The following CSMD1 variants were observed in gnomAD, a reference collection of about 807,000 sequenced individuals.
CSMD1 encodes the protein CUB and Sushi multiple domains 1.
A neutral mutation model predicts 417.5 loss-of-function variants in CSMD1; 213 were observed. The observed-to-expected ratio is 0.51, with a 90% CI of 0.46 to 0.57. The LOEUF (loss-of-function observed/expected upper bound fraction) is 0.57. CSMD1 is among the 20% of genes least tolerant of loss of function. CSMD1 has a pLI of 0.00. For synonymous variants in CSMD1, 2,862 were observed against 1,736.8 expected, an observed-to-expected ratio of 1.65 and a Z score of -16.11; for missense variants, 6,923 against 4,529.7, an observed-to-expected ratio of 1.53 and a Z score of -15.17.
intron 26 of CSMD1, among the ~76,000 whole-genome samples, chr8:3,235,957 G>A (rs1322082032): frequency 8.3e-6 from 1 of 119,970 alleles, no homozygotes; most frequent in Non-Finnish European, 1.6e-5. Flanking sequence ...TTGATCTGTC[G>A]CCCAGGCTGG....
At chr8:3,891,327 G>C (rs1209211864) in intron 5 of CSMD1, among the ~76,000 whole-genome samples, 1 of 152,158 alleles carries the variant, frequency 6.6e-6, no homozygotes, top group Non-Finnish European at 1.5e-5. Flanking sequence ...TGGGATTACA[G>C]GCGTGAGCCA....
At chr8:4,372,845 G>A (rs543932622) in intron 3 of CSMD1, among the ~76,000 whole-genome samples, 145 of 152,242 alleles carry the variant, frequency 9.5e-4, no homozygotes, top group African/African-American at 3.5e-3. Context: ...AATTTCCAGT[G>A]CAGAAGACTA....
At chr8:3,492,863 C>T (rs996845857) in intron 11 of CSMD1, among the ~76,000 whole-genome samples, 1 of 151,840 alleles carries the variant, frequency 6.6e-6, no homozygotes, top group Non-Finnish European at 1.5e-5. Flanking sequence ...CTTTATTACG[C>T]AGTTTTACAG....
chr8:4,108,571 G>C (rs1228009908), intron 3 of CSMD1, among the ~76,000 whole-genome samples: 1 of 152,138 alleles, frequency 6.6e-6, no homozygotes, highest in Non-Finnish European at 1.5e-5. Context: ...CCACTGATAT[G>C]CCATCCCTTT....
At chr8:3,737,831 A>G in intron 6 of CSMD1, among the ~76,000 whole-genome samples, 1 of 152,238 alleles carries the variant, frequency 6.6e-6, no homozygotes, top group East Asian at 1.9e-4. Flanking sequence ...ATTTAAAACT[A>G]CCAAAACATA....
chr8:3,408,628 T>C lies in CSMD1; in HGVS notation c.1745-403A>G, dbSNP rs528335052. On this transcript the variant is annotated intron_variant, in intron 13 of 69. Coordinates refer to ENST00000635120, the MANE Select transcript of CSMD1 (RefSeq NM_033225.6). ...CTCTTTCATAACTTTTAAATTTATA[T>C]TTTATACTTTCCTGTGAGTGCATTT... 5.9e-5 allele frequency among the ~76,000 whole-genome samples: 9 copies of C among 152,264 alleles called. No homozygotes were observed. The South Asian group carries it at 1.9e-3, about 32-fold the overall frequency.
At chr8:3,063,811 A>T (rs1299099893) in intron 49 of CSMD1, among the ~76,000 whole-genome samples, 1 of 152,182 alleles carries the variant, frequency 6.6e-6, no homozygotes, top group Non-Finnish European at 1.5e-5. Flanking sequence ...GATGGCTTGT[A>T]GGGGCTGGAG....
intron 8 of CSMD1, among the ~76,000 whole-genome samples, chr8:3,601,681 A>G (rs1756832178): frequency 6.6e-6 from 1 of 152,216 alleles, no homozygotes; most frequent in South Asian, 2.1e-4. Context: ...AATCATTGGT[A>G]ATATGCAGAA....
At chr8:4,980,917 T>G (rs1810854648) in intron 1 of CSMD1, among the ~76,000 whole-genome samples, 1 of 151,376 alleles carries the variant, frequency 6.6e-6, no homozygotes, top group African/African-American at 2.4e-5. Context: ...AAAAAAAAAC[T>G]TATTATCTAT....
At chr8:3,631,034 G>C (rs75692705) in intron 7 of CSMD1, among the ~76,000 whole-genome samples, 3,966 of 152,228 alleles carry the variant, frequency 0.026, 158 homozygotes, top group African/African-American at 0.091. Flanking sequence ...ACGCAATCAT[G>C]CTTCTTTGCT....
intron 26 of CSMD1, among the ~76,000 whole-genome samples, chr8:3,241,362 G>A (rs967221225): frequency 2.6e-5 from 4 of 151,892 alleles, no homozygotes; most frequent in East Asian, 1.9e-4. Flanking sequence ...ATGTGGAGTG[G>A]GTAGCCTCCA....
intron 3 of CSMD1, among the ~76,000 whole-genome samples, chr8:4,085,665 G>A (rs1399592228): frequency 6.6e-6 from 1 of 152,180 alleles, no homozygotes; most frequent in Non-Finnish European, 1.5e-5. Flanking sequence ...TTTGCATACT[G>A]TGTGATTCCA....
chr8:3,430,794 G>A (rs1393847), intron 12 of CSMD1, among the ~76,000 whole-genome samples: 14,259 of 152,122 alleles, frequency 0.094, 737 homozygotes, highest in Middle Eastern at 0.19. Context: ...GTAACAGAAC[G>A]AGACTCCATT....
intron 3 of CSMD1, among the ~76,000 whole-genome samples, chr8:4,257,608 G>A (rs57412256): frequency 0.092 from 13,946 of 152,162 alleles, 937 homozygotes; most frequent in East Asian, 0.35. Flanking sequence ...AGGAAAATTT[G>A]GTGAAAAGTT....
At chr8:4,038,177 G>C (rs528217607) in intron 3 of CSMD1, among the ~76,000 whole-genome samples, 116 of 151,968 alleles carry the variant, frequency 7.6e-4, no homozygotes, top group Non-Finnish European at 1.4e-3. Context: ...TTAGGGATTG[G>C]GGATTTTTAT....
At chr8:4,309,231 A>C (rs1437019073) in intron 3 of CSMD1, among the ~76,000 whole-genome samples, 2 of 152,128 alleles carry the variant, frequency 1.3e-5, no homozygotes, top group African/African-American at 2.4e-5. Context: ...CGTTAAGTGC[A>C]AGACCCATAA....
In CSMD1 at chr8:2,938,445, T is replaced by C. The variant is rs1801645180; in HGVS notation, c.*140A>G. The C allele has an allele frequency of 5.2e-6, 4 of 763,930 alleles. No homozygotes were observed. Among genetic ancestry groups the C allele is most frequent in the Non-Finnish European group, 8.3e-6 (4 of 479,810 alleles). 47.3% of individuals were successfully genotyped at this position (763,930 alleles called of 1,614,324 possible). A position where few individuals can be genotyped will look rare whatever the true frequency, so the allele number is the denominator to read the frequency against. ...GACACATTTGAGTAGAGATCCCCGC[T>C]GCACTTATGCCAGTAGACAAGGTTG... On this transcript the variant is annotated 3_prime_UTR_variant, in exon 70 of 70. Coordinates refer to ENST00000635120, the MANE Select transcript of CSMD1 (RefSeq NM_033225.6).
chr8:4,199,295 C>A (rs1322524342), intron 3 of CSMD1, among the ~76,000 whole-genome samples: 1 of 152,156 alleles, frequency 6.6e-6, no homozygotes, highest in African/African-American at 2.4e-5. Flanking sequence ...GATATGCAGG[C>A]AGTGTATGGG....
In CSMD1 at chr8:3,640,483, T is replaced by C. The variant is rs555140085; in HGVS notation, c.1010-23686A>G. 2.0e-5 allele frequency among the ~76,000 whole-genome samples: 3 copies of C among 152,334 alleles called. No individual in the cohort carries two copies. In the South Asian group the frequency reaches 6.2e-4, roughly 32 times the overall value. On this transcript the variant is annotated intron_variant, in intron 7 of 69. Transcript: ENST00000635120. ...CTCTGGAAATAGTTGCTCAGTTTTG[T>C]CTAATCAGTTAATGGAAAATTGTGT...
Sources: allele counts gnomAD v4.1 joint callset (sites outside exome capture counted in the v4.1 genomes callset), GRCh38; gene constraint gnomAD v4.1.1; transcripts MANE v1.5; gene names NCBI Gene and HGNC (gene_info 2026-07-23, HGNC 2026-07-21).